Variants in UNC80 observed in about 807,000 individuals in gnomAD.
The protein encoded by UNC80 is protein unc-80 homolog.
In UNC80, 164 loss-of-function variants were observed where a neutral mutation model predicts 384.6. The observed-to-expected ratio is 0.43, with a 90% CI of 0.38 to 0.49. The LOEUF (loss-of-function observed/expected upper bound fraction) is 0.49. UNC80 is among the 20% of genes least tolerant of loss of function. The pLI is 0.00. For missense variants in UNC80, 3,330 were observed against 4,143.0 expected, an observed-to-expected ratio of 0.80 and a Z score of 5.39; for synonymous variants, 1,486 against 1,527.8, an observed-to-expected ratio of 0.97 and a Z score of 0.64.
chr2:209,802,718 T>A (rs1304457013), intron 7 of UNC80, among the ~76,000 whole-genome samples: 5 of 152,182 alleles, frequency 3.3e-5, no homozygotes, highest in Non-Finnish European at 5.9e-5. Flanking sequence ...TCTTTCGATT[T>A]TAGGGGAAAA....
Position 209,820,362 on chromosome 2 carries a change from A to G in UNC80, c.2014A>G (p.Ile672Val), listed in dbSNP as rs1225552175. The change falls in exon 13 of 65, where the codon ATC becomes GTC. Residue 672 changes from isoleucine (I) to valine (V), a missense_variant. Coordinates refer to ENST00000673920, the MANE Select transcript of UNC80 (RefSeq NM_001371986.1). ...CCTTAATCATGACATCAGCTCTCGT[A>G]TCTGTGACGTGGCGCTAAACATTGT... ...LVLNHDISSR[I>V]CDVALNIVEC... 6.4e-7 allele frequency: 1 copy of G among 1,551,750 alleles called. No individual in the cohort carries two copies. Among genetic ancestry groups the G allele is most frequent in the Admixed American group, 2.0e-5 (1 of 50,972 alleles).
At position 209,978,664 on chromosome 2, in the gene UNC80, C is replaced by T. The variant is rs983994189; in HGVS notation, c.9074C>T (p.Ala3025Val). 3.9e-6 allele frequency: 6 copies of T among 1,549,536 alleles called. No homozygotes were observed. Among genetic ancestry groups the T allele is most frequent in the Non-Finnish European group, 5.2e-6 (6 of 1,145,352 alleles). The change falls in exon 59 of 65, where the codon GCT (alanine) becomes GTT (valine). Residue 3025 changes from alanine to valine, a missense_variant. By Grantham distance (64) the Ala-to-Val change is moderately conservative. Around this residue, in one of 8 missense-constraint regions of UNC80, gnomAD observed 216 missense variants for 245.3 expected, o/e 0.88. Coordinates refer to ENST00000673920, the MANE Select transcript of UNC80 (RefSeq NM_001371986.1). ...CAGGACAGTGAGCCATCCCAGCAGG[C>T]TTCGCAGGACACCCTGAGTCGGACT... ...WEQDSEPSQQASQDTLSRTDE... is the reference protein window; with the variant it reads ...WEQDSEPSQQVSQDTLSRTDE...
chr2:209,913,672 C>A, intron 30 of UNC80, 130 bp from the exon 31 acceptor site: 1 of 877,244 alleles, frequency 1.1e-6, no homozygotes. Context: ...TAAATATGCT[C>A]CCATTTTAGA....
At chr2:209,896,120 T>C (rs2124918204) in intron 27 of UNC80, among the ~76,000 whole-genome samples, 193 bp from the exon 28 acceptor site, 1 of 152,230 alleles carries the variant, frequency 6.6e-6, no homozygotes, top group East Asian at 1.9e-4. Context: ...GTCTTTGAAA[T>C]TGCCAGTTCA....
At chr2:209,890,698 G>A (rs1324648607) in intron 26 of UNC80, among the ~76,000 whole-genome samples, 1 of 152,152 alleles carries the variant, frequency 6.6e-6, no homozygotes, top group Non-Finnish European at 1.5e-5. Flanking sequence ...GTAAAACTGG[G>A]TTAACACCTA....
chr2:209,933,858 G>A lies in UNC80; in HGVS notation c.6031G>A (p.Glu2011Lys). ...LIMYFVRTPC[E>K]WGMDAISATL... ...CATGTACTTTGTGCGGACCCCCTGC[G>A]AGTGGGGGATGGATGCCATTTCAGC... The change falls in exon 39 of 65, where the codon GAG becomes AAG. Residue 2011 changes from glutamate (E) to lysine (K), a missense_variant. This residue lies in a region of UNC80 where 1,049 missense variants were observed against 1,488.6 expected (regional missense o/e 0.70). Coordinates refer to ENST00000673920, the MANE Select transcript of UNC80 (RefSeq NM_001371986.1). 1 of 1,551,302 alleles carries A rather than the reference G, an allele frequency of 6.4e-7. No homozygotes were observed. Among genetic ancestry groups the A allele is most frequent in the Non-Finnish European group, 8.7e-7 (1 of 1,146,786 alleles).
At chr2:209,911,384 T>C (rs1405314820) in intron 29 of UNC80, among the ~76,000 whole-genome samples, 6 of 152,220 alleles carry the variant, frequency 3.9e-5, no homozygotes, top group African/African-American at 7.2e-5. Flanking sequence ...CCAAATAATA[T>C]GTGTTCCCAC....
intron 22 of UNC80, among the ~76,000 whole-genome samples, chr2:209,864,289 T>C (rs1361003210): frequency 1.3e-5 from 2 of 151,962 alleles, no homozygotes; most frequent in African/African-American, 4.8e-5. Flanking sequence ...CTTTATAGGG[T>C]GTCTGACAAC....
Position 209,777,519 on chromosome 2 carries a change from T to C in UNC80, c.560T>C (p.Leu187Pro). ...CAGAACTCCATGGCTACTGTGGAGC[T>C]CTTCGTGTTTCTGTTTGCTCCCCTG... ...IFQNSMATVE[L>P]FVFLFAPLVH... is the part of the protein sequence containing the mutation. The change falls in exon 4 of 65, where the codon CTC (leucine) becomes CCC (proline). Residue 187 changes from leucine (L) to proline (P), a missense_variant. Coordinates refer to ENST00000673920, the MANE Select transcript of UNC80 (RefSeq NM_001371986.1). 1 of 1,613,580 alleles carries C rather than the reference T, an allele frequency of 6.2e-7. No homozygotes were observed. Among genetic ancestry groups the C allele is most frequent in the Non-Finnish European group, 8.5e-7 (1 of 1,179,706 alleles).
At chr2:209,936,783 C>G (rs925063422) in intron 40 of UNC80, 61 bp from the exon 41 acceptor site, 26 of 1,187,494 alleles carry the variant, frequency 2.2e-5, no homozygotes, top group Non-Finnish European at 3.0e-5. Context: ...TGTCACCTTA[C>G]TACCTAGCAC....
At chr2:209,884,156 T>C (rs1439778573) in intron 25 of UNC80, among the ~76,000 whole-genome samples, 1 of 152,232 alleles carries the variant, frequency 6.6e-6, no homozygotes, top group African/African-American at 2.4e-5. Context: ...AAATATTATC[T>C]TCTAAACTTG....
intron 22 of UNC80, among the ~76,000 whole-genome samples, chr2:209,866,987 A>T (rs937869866): frequency 2.0e-5 from 3 of 152,248 alleles, no homozygotes; most frequent in Admixed American, 2.0e-4. Flanking sequence ...TAATGATTAA[A>T]TCAGGATAAC....
chr2:209,991,691 GC>G (rs1273200210), intron 61 of UNC80, among the ~76,000 whole-genome samples: 1 of 152,080 alleles, frequency 6.6e-6, no homozygotes, highest in African/African-American at 2.4e-5. Flanking sequence ...TGTTGAATGT[GC>G]CCCTTCACCC....
chr2:209,993,332 A>G lies in UNC80; in HGVS notation c.9414A>G (p.Leu3138=), dbSNP rs2093425839. 5.2e-6 allele frequency: 8 copies of G among 1,551,890 alleles called. No homozygotes were observed. The highest frequency in any genetic ancestry group is 1.4e-5 in the African/African-American group (1 of 73,070). The part of the protein sequence containing the change: ...RGLRQLRRPL[L]SRQKTQTEPR... ...CTCTTTAGCTAAGACGTCCTCTACTATCACGTCAGAAAACTCAGACTGAAC... is the reference window on the plus strand; with the variant it reads ...CTCTTTAGCTAAGACGTCCTCTACTGTCACGTCAGAAAACTCAGACTGAAC... The change falls in exon 63 of 65, where the codon CTA becomes CTG. Residue 3138 remains leucine (L), a synonymous_variant. Coordinates refer to ENST00000673920, the MANE Select transcript of UNC80 (RefSeq NM_001371986.1).
chr2:209,933,670 C>A (rs2091049606), intron 38 of UNC80, among the ~76,000 whole-genome samples, 152 bp from the exon 39 acceptor site: 1 of 151,944 alleles, frequency 6.6e-6, no homozygotes, highest in Admixed American at 6.6e-5. Context: ...TATGCCCTCT[C>A]CTGGTAACAT....
Position 209,793,663 on chromosome 2 carries a change from C to G in UNC80, c.799-57C>G, listed in dbSNP as rs189827253. The G allele has an allele frequency of 2.6e-5, 41 of 1,597,380 alleles. No homozygotes were observed. In the African/African-American group the frequency reaches 5.1e-4, roughly 20 times the overall value. Reference sequence around the variant, plus strand: ...TAGCTAATTCTAGATGATATAGCTACAGGGGAAAACAAAAAACAAAAAACA... The same window carrying G: ...TAGCTAATTCTAGATGATATAGCTAGAGGGGAAAACAAAAAACAAAAAACA... On this transcript the variant is annotated intron_variant, in intron 6 of 64. Coordinates refer to ENST00000673920, the MANE Select transcript of UNC80 (RefSeq NM_001371986.1).
intron 26 of UNC80, among the ~76,000 whole-genome samples, chr2:209,890,806 G>T (rs1034316626): frequency 6.6e-6 from 1 of 152,162 alleles, no homozygotes; most frequent in Admixed American, 6.5e-5. Context: ...AGCTATTGTT[G>T]TTGGGTTTTT....
Position 209,978,352 on chromosome 2 carries a change from TG to T in UNC80, c.8939-176del, listed in dbSNP as rs368742351. Among the ~76,000 whole-genome samples, 1,003 of 152,350 alleles carry T rather than the reference TG, an allele frequency of 6.6e-3. 3 individuals are homozygous for T. The highest frequency in any genetic ancestry group is 0.01 in the Non-Finnish European group (714 of 68,034). On this transcript the variant is annotated intron_variant, in intron 58 of 64. Transcript: ENST00000673920. ...ATTTAATTATATCAGTGGCCAATATTGATTCTTTAAAATAAAAAATCCCCAC... is the reference window on the plus strand; with the variant it reads ...ATTTAATTATATCAGTGGCCAATATTATTCTTTAAAATAAAAAATCCCCAC...
chr2:209,787,787 A>C (rs11679862), intron 5 of UNC80, among the ~76,000 whole-genome samples: 3 of 152,004 alleles, frequency 2.0e-5, no homozygotes, highest in Non-Finnish European at 4.4e-5. Context: ...TGTATTTACT[A>C]TACCATACTT....
Sources: gnomAD v4.1 joint callset for allele counts (sites outside exome capture counted in the v4.1 genomes callset) on GRCh38, gnomAD v4.1.1 for gene constraint, gnomAD v4.1.1 regional missense constraint, MANE v1.5 for transcripts, NCBI Gene and HGNC (gene_info 2026-07-23, HGNC 2026-07-21) for gene names.